LOC728743: variants seen among roughly 807,000 people sequenced by gnomAD.
chr7:150,407,922 G>C, the LOC728743 span: 1 of 414,276 alleles, frequency 2.4e-6, no homozygotes, highest in Non-Finnish European at 4.3e-6. Context: ...TGCGGCCGCT[G>C]CTTCAGCCTC....
the LOC728743 span, among the ~76,000 whole-genome samples, chr7:150,402,623 T>C: frequency 6.6e-6 from 1 of 152,200 alleles, no homozygotes; most frequent in Non-Finnish European, 1.5e-5. Context: ...GTGTGCTAAA[T>C]TCCAAATCTG....
chr7:150,408,040 GCGCACCCACGCGCGCATGCCCGCGC>G, the LOC728743 span: 1 of 394,694 alleles, frequency 2.5e-6, no homozygotes, highest in African/African-American at 2.1e-5. Context: ...TCAACCACCA[GCGCACCCACGCGCGCATGCCCGCGC>G]CGCACCCGCG....
chr7:150,408,522 A>C, the LOC728743 span: 22 of 240,648 alleles, frequency 9.1e-5, no homozygotes, highest in East Asian at 1.6e-4. Flanking sequence ...AGCCCCTCTC[A>C]GGGCTGGGAG....
chr7:150,411,448 A>G, the LOC728743 span: 147,095 of 152,616 alleles, frequency 0.96, 71,108 homozygotes, highest in South Asian at 1. Context: ...GCAGCAGGGC[A>G]AGGACTCCTC....
At chr7:150,408,415 T>C in the LOC728743 span, 6 of 355,974 alleles carry the variant, frequency 1.7e-5, no homozygotes, top group African/African-American at 4.3e-5. Flanking sequence ...CTCGGGACCC[T>C]CTGGCTGGCT....
the LOC728743 span, among the ~76,000 whole-genome samples, chr7:150,401,502 C>T: frequency 6.6e-6 from 1 of 152,246 alleles, no homozygotes; most frequent in South Asian, 2.1e-4. Flanking sequence ...AAAGAAATAT[C>T]TTTGACCTTT....
At chr7:150,400,941 C>T in the LOC728743 span, 2 of 152,216 alleles carry the variant, frequency 1.3e-5, no homozygotes, top group Admixed American at 1.3e-4. Flanking sequence ...TAAATCAAGA[C>T]TTTAAAGGAT....
chr7:150,408,391 G>A, the LOC728743 span: 2 of 361,210 alleles, frequency 5.5e-6, no homozygotes, highest in Non-Finnish European at 4.9e-6. Flanking sequence ...CCGGCCGCCC[G>A]CTCGCGTTCC....
the LOC728743 span, chr7:150,404,355 G>C: frequency 6.6e-6 from 1 of 152,160 alleles, no homozygotes; most frequent in Non-Finnish European, 1.5e-5. Context: ...CAGTCCCAGG[G>C]CGGTGCAGTG....
At chr7:150,410,074 G>A in the LOC728743 span, 8 of 398,344 alleles carry the variant, frequency 2.0e-5, no homozygotes, top group South Asian at 1.3e-4. Context: ...CCAGCTGATC[G>A]CTCCCTCCTA....
chr7:150,401,853 G>A, the LOC728743 span, among the ~76,000 whole-genome samples: 6 of 152,180 alleles, frequency 3.9e-5, no homozygotes, highest in South Asian at 1.2e-3. Flanking sequence ...ATAGCCCCAC[G>A]TAGCTACTGG....
At chr7:150,408,138 C>T in the LOC728743 span, 1 of 388,598 alleles carries the variant, frequency 2.6e-6, no homozygotes, top group Middle Eastern at 6.6e-4. Context: ...AAGAGCTTCG[C>T]GCGCGAGGGC....
At chr7:150,408,410 G>A in the LOC728743 span, 5 of 358,242 alleles carry the variant, frequency 1.4e-5, no homozygotes, top group East Asian at 2.1e-4. Context: ...CCTCCCTCGG[G>A]ACCCTCTGGC....
At chr7:150,402,309 GGCCTCACGCTGA>G in the LOC728743 span, among the ~76,000 whole-genome samples, 1 of 152,314 alleles carries the variant, frequency 6.6e-6, no homozygotes, top group African/African-American at 2.4e-5. Flanking sequence ...GAGCAGATGA[GGCCTCACGCTGA>G]GCCTCACATC....
the LOC728743 span, among the ~76,000 whole-genome samples, chr7:150,403,813 G>A: frequency 6.6e-6 from 1 of 152,236 alleles, no homozygotes; most frequent in Non-Finnish European, 1.5e-5. The surrounding 1 kb of genome is among the most constrained non-coding windows in gnomAD (Gnocchi z 5.1). Context: ...TGGGGTAGGA[G>A]TGGATTCTCC....
the LOC728743 span, among the ~76,000 whole-genome samples, chr7:150,407,311 G>C: frequency 6.6e-6 from 1 of 152,274 alleles, no homozygotes; most frequent in African/African-American, 2.4e-5. Flanking sequence ...GTGTCACACG[G>C]TGTTTAAGCC....
At chr7:150,404,818 G>C in the LOC728743 span, 3 of 152,356 alleles carry the variant, frequency 2.0e-5, no homozygotes, top group Admixed American at 6.5e-5. Flanking sequence ...GCAGACTTTG[G>C]CGAAACTGTC....
At chr7:150,407,195 G>T in the LOC728743 span, among the ~76,000 whole-genome samples, 1 of 152,172 alleles carries the variant, frequency 6.6e-6, no homozygotes, top group African/African-American at 2.4e-5. Flanking sequence ...GGTGCTAGGT[G>T]CTGGGGTTGA....
the LOC728743 span, among the ~76,000 whole-genome samples, chr7:150,409,157 A>T: frequency 7.1e-6 from 1 of 140,252 alleles, no homozygotes. Flanking sequence ...GGGGGTCCTG[A>T]TAGTTCAGTG....
Sources: gnomAD v4.1 joint callset for allele counts (sites outside exome capture counted in the v4.1 genomes callset) on GRCh38, gnomAD v4.1.1 for gene constraint, Gnocchi (gnomAD v3.1) non-coding constraint, MANE v1.5 for transcripts.